CSMD1: variants seen among roughly 807,000 people sequenced by gnomAD.
CSMD1 encodes CUB and Sushi multiple domains 1.
In CSMD1, 213 loss-of-function variants were observed where a neutral mutation model predicts 417.5. That is an observed-to-expected ratio of 0.51 (90% CI 0.46 to 0.57). CSMD1 has a LOEUF of 0.57. Ranked by LOEUF, CSMD1 falls within the 20% of genes least tolerant of loss-of-function variation. The probability of loss-of-function intolerance (pLI) is 0.00; values close to 1 mark genes in which losing one functional copy is unlikely to be tolerated. For missense variants in CSMD1, 6,923 were observed against 4,529.7 expected (o/e 1.53, Z -15.17); for synonymous variants, 2,862 against 1,736.8 (o/e 1.65, Z -16.11).
chr8:3,745,300 A>G (rs1380397111), intron 6 of CSMD1, among the ~76,000 whole-genome samples: 1 of 152,206 alleles, frequency 6.6e-6, no homozygotes, highest in Non-Finnish European at 1.5e-5. Context: ...AAAGAACATG[A>G]TGGTCAGCTC....
At chr8:3,152,123 A>T (rs1819234355) in intron 39 of CSMD1, among the ~76,000 whole-genome samples, 1 of 152,176 alleles carries the variant, frequency 6.6e-6, no homozygotes, top group Admixed American at 6.5e-5. Context: ...TCAATTTCGG[A>T]AGGCAGCTAA....
At chr8:4,120,160 A>G (rs1802399625) in intron 3 of CSMD1, among the ~76,000 whole-genome samples, 2 of 152,156 alleles carry the variant, frequency 1.3e-5, no homozygotes, top group Admixed American at 1.3e-4. Flanking sequence ...AAAACATCTC[A>G]CGTACCCCAT....
chr8:3,984,716 T>G (rs1814178238), intron 5 of CSMD1, among the ~76,000 whole-genome samples: 1 of 45,110 alleles, frequency 2.2e-5, no homozygotes, highest in East Asian at 9.0e-4. Context: ...TATATATATA[T>G]ATATATATAT....
intron 1 of CSMD1, among the ~76,000 whole-genome samples, chr8:4,662,486 G>C (rs545512768): frequency 1.3e-5 from 2 of 152,252 alleles, no homozygotes; most frequent in African/African-American, 4.8e-5. Flanking sequence ...TGTTTCTGCA[G>C]ACTGGTGCTT....
intron 3 of CSMD1, among the ~76,000 whole-genome samples, chr8:4,286,454 T>C (rs1797060207): frequency 6.6e-6 from 1 of 152,098 alleles, no homozygotes; most frequent in Non-Finnish European, 1.5e-5. Flanking sequence ...GGTTGCAATA[T>C]GAATTACCCA....
intron 12 of CSMD1, among the ~76,000 whole-genome samples, chr8:3,437,754 C>CTT (rs34146233): frequency 0.011 from 1,640 of 148,610 alleles, 81 homozygotes; most frequent in Admixed American, 0.079. Context: ...GATATCTTTT[C>CTT]TTTTTTTTTT....
At chr8:4,835,418 T>G (rs1800421077) in intron 1 of CSMD1, among the ~76,000 whole-genome samples, 1 of 152,150 alleles carries the variant, frequency 6.6e-6, no homozygotes, top group Non-Finnish European at 1.5e-5. Context: ...TAGCAAACAT[T>G]AAGAGACAAG....
At chr8:4,107,625 A>G (rs1416178554) in intron 3 of CSMD1, among the ~76,000 whole-genome samples, 2 of 152,180 alleles carry the variant, frequency 1.3e-5, no homozygotes, top group African/African-American at 2.4e-5. Flanking sequence ...CTCAAACTGC[A>G]TGTACAATGA....
intron 37 of CSMD1, among the ~76,000 whole-genome samples, chr8:3,179,726 T>C (rs1311963163): frequency 1.3e-5 from 2 of 152,188 alleles, no homozygotes; most frequent in Non-Finnish European, 1.5e-5. Context: ...TTAAATACTA[T>C]CATAAACAAG....
At chr8:4,352,927 A>T (rs773310042) in intron 3 of CSMD1, among the ~76,000 whole-genome samples, 9 of 152,256 alleles carry the variant, frequency 5.9e-5, no homozygotes, top group African/African-American at 1.4e-4. Context: ...CAAAATATTT[A>T]TAAGTAAATA....
intron 7 of CSMD1, among the ~76,000 whole-genome samples, chr8:3,678,306 G>C (rs1482460643): frequency 2.0e-5 from 3 of 152,126 alleles, no homozygotes; most frequent in Non-Finnish European, 4.4e-5. Flanking sequence ...TTAGACGAAT[G>C]GCTAACTAGA....
intron 3 of CSMD1, among the ~76,000 whole-genome samples, chr8:4,157,621 G>A (rs185145646): frequency 2.0e-5 from 3 of 152,318 alleles, no homozygotes; most frequent in East Asian, 1.9e-4. Context: ...TTCACGCAGA[G>A]TTGATTTTCA....
At chr8:3,047,408 G>C (rs1811531353) in intron 50 of CSMD1, among the ~76,000 whole-genome samples, 1 of 151,950 alleles carries the variant, frequency 6.6e-6, no homozygotes, top group Non-Finnish European at 1.5e-5. Flanking sequence ...CATATCTTCA[G>C]GCTCTAAGGG....
At chr8:4,131,143 A>C (rs200572637) in intron 3 of CSMD1, among the ~76,000 whole-genome samples, 2 of 152,164 alleles carry the variant, frequency 1.3e-5, no homozygotes, top group Non-Finnish European at 2.9e-5. Flanking sequence ...TTATAATCAT[A>C]ATGTAGATTT....
rs1267222861 is a variant in CSMD1, at chr8:2,949,311, G to C, written c.10390C>G (p.Leu3464Val). 8 of 1,597,782 alleles carry C rather than the reference G, an allele frequency of 5.0e-6. No individual in the cohort carries two copies. The highest frequency in any genetic ancestry group is 1.1e-5 in the South Asian group (1 of 90,368). The change falls in exon 68 of 70, where the codon CTA becomes GTA. Residue 3464 changes from leucine to valine, a missense_variant. Transcript: ENST00000635120. Reference sequence around the variant, plus strand: ...AAGTGCAACTTACCTTGCCTTTCTAGCTTAAATTTTCCAAAGTCTTTTCCA... The same window carrying C: ...AAGTGCAACTTACCTTGCCTTTCTACCTTAAATTTTCCAAAGTCTTTTCCA... ...IHGKDFGKFK[L>V]ERQDPLNPDQ...
intron 10 of CSMD1, among the ~76,000 whole-genome samples, chr8:3,505,719 G>A (rs1282033130): frequency 6.6e-6 from 1 of 152,186 alleles, no homozygotes; most frequent in Non-Finnish European, 1.5e-5. Context: ...GCACTGGATA[G>A]AAGGGAAAAC....
Position 4,028,714 on chromosome 8 carries a change from C to G in CSMD1, c.610+3191G>C, listed in dbSNP as rs540749144. Among the ~76,000 whole-genome samples the G allele has an allele frequency of 2.0e-5, 3 of 152,158 alleles. No individual in the cohort carries two copies. In the East Asian group the frequency reaches 5.8e-4, roughly 29 times the overall value. ...GCAAATTAAAACTCTATTTCTTTAC[C>G]TTTTAAATGAGTGTTAATAATTATT... On this transcript the variant is annotated intron_variant, in intron 4 of 69. Transcript: ENST00000635120.
At chr8:4,207,634 G>A (rs1214550770) in intron 3 of CSMD1, among the ~76,000 whole-genome samples, 13 of 152,110 alleles carry the variant, frequency 8.5e-5, no homozygotes, top group Admixed American at 8.5e-4. Context: ...TCATTATGAA[G>A]AGGGGGTTGT....
intron 6 of CSMD1, among the ~76,000 whole-genome samples, chr8:3,739,317 G>A (rs1474020630): frequency 1.3e-5 from 2 of 152,194 alleles, no homozygotes; most frequent in African/African-American, 4.8e-5. Flanking sequence ...TAGACAGGAT[G>A]AATCTGTTCT....
Sources: allele counts gnomAD v4.1 joint callset (sites outside exome capture counted in the v4.1 genomes callset), GRCh38; gene constraint gnomAD v4.1.1; transcripts MANE v1.5; gene names NCBI Gene and HGNC (gene_info 2026-07-23, HGNC 2026-07-21).